SYNPR: variants seen among roughly 807,000 people sequenced by gnomAD.
SYNPR encodes synaptoporin.
A neutral mutation model predicts 32.9 loss-of-function variants in SYNPR; 23 were observed. The ratio of observed to expected loss-of-function variants is 0.70; its 90% CI spans 0.50 to 0.99. SYNPR has a LOEUF of 0.99. Ranked by LOEUF, SYNPR falls within the 50% of genes least tolerant of loss-of-function variation. The pLI is 0.00. For missense variants in SYNPR, 318 were observed against 349.3 expected (o/e 0.91, Z 0.71); for synonymous variants, 146 against 135.9 (o/e 1.07, Z -0.52).
intron 2 of SYNPR, among the ~76,000 whole-genome samples, chr3:63,341,501 T>C (rs2087370509): frequency 6.6e-6 from 1 of 152,228 alleles, no homozygotes; most frequent in Non-Finnish European, 1.5e-5. Flanking sequence ...TTACTCCACA[T>C]TCTCATCAGC....
chr3:63,278,570 G>A lies in SYNPR; in HGVS notation c.18+19G>A. ...GAGTCAGGTGAGACAGAACTGGGCAGGGCGGCTGGCTGGGAGCAGGGGGCG... is the reference window on the plus strand; with the variant it reads ...GAGTCAGGTGAGACAGAACTGGGCAAGGCGGCTGGCTGGGAGCAGGGGGCG... On this transcript the variant is annotated intron_variant, in intron 1 of 5. Transcript: ENST00000478300. 1 of 1,551,056 alleles carries A rather than the reference G, an allele frequency of 6.4e-7. No individual in the cohort carries two copies. Among genetic ancestry groups the A allele is most frequent in the Non-Finnish European group, 8.7e-7 (1 of 1,146,530 alleles).
chr3:63,595,741 AT>A lies in SYNPR; in HGVS notation c.409-13383del, dbSNP rs1559546153. 3.3e-4 allele frequency among the ~76,000 whole-genome samples: 15 copies of A among 46,030 alleles called. 1 individual carries two copies. Among genetic ancestry groups the A allele is most frequent in the African/African-American group, 1.1e-3 (5 of 4,650 alleles). The allele number at this position is 46,030 out of a possible 152,430, so 30.2% of individuals were successfully genotyped here. A position where few individuals can be genotyped will look rare whatever the true frequency, so the allele number is the denominator to read the frequency against. ...TTTATATATATATATATATATATAT[AT>A]ATATATATATATATATATATATATA... is the stretch of plus-strand genomic sequence containing the variant. On this transcript the variant is annotated intron_variant, in intron 4 of 5. Transcript: ENST00000478300.
chr3:63,484,229 T>C (rs183392456), intron 3 of SYNPR, among the ~76,000 whole-genome samples: 137 of 152,278 alleles, frequency 9.0e-4, no homozygotes, highest in Non-Finnish European at 1.4e-3. Flanking sequence ...ATAAACCATT[T>C]GTCACCTTAT....
chr3:63,580,025 G>A (rs1317808857), intron 4 of SYNPR, among the ~76,000 whole-genome samples: 1 of 151,986 alleles, frequency 6.6e-6, no homozygotes, highest in African/African-American at 2.4e-5. Flanking sequence ...TGACCCAATT[G>A]AGCTAGGAGG....
chr3:63,559,626 ATGTTCAGG>A (rs1702650916), intron 4 of SYNPR, among the ~76,000 whole-genome samples: 2 of 152,132 alleles, frequency 1.3e-5, no homozygotes, highest in South Asian at 4.2e-4. Flanking sequence ...GGACTAGAAA[ATGTTCAGG>A]TGTGCAACAC....
At chr3:63,250,594 G>T (rs2086323751) in intron 1 of SYNPR, among the ~76,000 whole-genome samples, 1 of 152,172 alleles carries the variant, frequency 6.6e-6, no homozygotes, top group Non-Finnish European at 1.5e-5. Context: ...GGTGCCATAA[G>T]TGGAATCCAA....
At chr3:63,541,532 A>G (rs1396222890) in intron 3 of SYNPR, among the ~76,000 whole-genome samples, 1 of 152,134 alleles carries the variant, frequency 6.6e-6, no homozygotes, top group Non-Finnish European at 1.5e-5. Flanking sequence ...GAATAGTTAC[A>G]TAGATTTAAG....
At chr3:63,234,892 G>A (rs1258718997) in intron 1 of SYNPR, among the ~76,000 whole-genome samples, 1 of 152,156 alleles carries the variant, frequency 6.6e-6, no homozygotes, top group African/African-American at 2.4e-5. Flanking sequence ...TATTTTAAAT[G>A]ACATTTTTAT....
At chr3:63,299,697 C>G (rs557733005) in intron 2 of SYNPR, among the ~76,000 whole-genome samples, 255 of 152,226 alleles carry the variant, frequency 1.7e-3, no homozygotes, top group Non-Finnish European at 1.7e-3. Flanking sequence ...AAAATGGTAG[C>G]TGTCTCATTG....
At chr3:63,320,727 G>A (rs2087102902) in intron 2 of SYNPR, among the ~76,000 whole-genome samples, 1 of 152,046 alleles carries the variant, frequency 6.6e-6, no homozygotes, top group Admixed American at 6.6e-5. Context: ...GTACATTTCA[G>A]AAACTGTGAT....
At chr3:63,539,502 T>C (rs750915151) in intron 3 of SYNPR, among the ~76,000 whole-genome samples, 5 of 152,118 alleles carry the variant, frequency 3.3e-5, no homozygotes, top group Non-Finnish European at 5.9e-5. Flanking sequence ...CAGCAAGTAG[T>C]TATTGAATGT....
chr3:63,608,036 G>A (rs569165395), intron 4 of SYNPR, among the ~76,000 whole-genome samples: 3 of 152,052 alleles, frequency 2.0e-5, no homozygotes, highest in South Asian at 2.1e-4. Context: ...TTTCCTGGTC[G>A]GCATTTTTAT....
chr3:63,289,853 G>T (rs965584548), intron 2 of SYNPR, among the ~76,000 whole-genome samples: 1 of 151,986 alleles, frequency 6.6e-6, no homozygotes, highest in African/African-American at 2.4e-5. Flanking sequence ...CTTTTCAGCC[G>T]GGCGCGGTGT....
intron 3 of SYNPR, among the ~76,000 whole-genome samples, chr3:63,517,475 C>A (rs553493790): frequency 3.9e-5 from 6 of 152,036 alleles, no homozygotes; most frequent in Non-Finnish European, 7.4e-5. Flanking sequence ...ACGGACACTT[C>A]TAGTATAGAC....
intron 3 of SYNPR, among the ~76,000 whole-genome samples, chr3:63,521,598 T>A (rs1210224875): frequency 6.6e-6 from 1 of 152,142 alleles, no homozygotes; most frequent in Non-Finnish European, 1.5e-5. Flanking sequence ...AGGCTCCTAG[T>A]CACTACGTTG....
intron 1 of SYNPR, among the ~76,000 whole-genome samples, chr3:63,235,971 T>C (rs371951966): frequency 4.3e-4 from 66 of 152,112 alleles, no homozygotes; most frequent in African/African-American, 1.6e-3. Context: ...TTTTCTTATA[T>C]TTTTTTCCAA....
intron 2 of SYNPR, among the ~76,000 whole-genome samples, chr3:63,452,988 G>T (rs1700406910): frequency 6.6e-6 from 1 of 152,112 alleles, no homozygotes; most frequent in South Asian, 2.1e-4. Flanking sequence ...ATATTTCCAT[G>T]TAACAGCTTC....
In SYNPR at chr3:63,422,623, A is replaced by G. The variant is rs143558600; in HGVS notation, c.85-58209A>G. ...TCATAAATTAAATAAAAACATTTTC[A>G]CCCATCAGATTGGCAAAATATTGAA... On this transcript the variant is annotated intron_variant, in intron 2 of 5. Transcript: ENST00000478300. Among the ~76,000 whole-genome samples the G allele has an allele frequency of 4.6e-5, 7 of 152,300 alleles. No individual in the cohort carries two copies. The East Asian group carries it at 1.4e-3, about 29-fold the overall frequency.
upstream of SYNPR, among the ~76,000 whole-genome samples, chr3:63,275,468 G>A (rs963656951): frequency 5.3e-5 from 8 of 152,178 alleles, no homozygotes; most frequent in African/African-American, 1.7e-4. Flanking sequence ...CCTTCACATG[G>A]TGTTTGGAGA....
Sources: allele counts gnomAD v4.1 joint callset (sites outside exome capture counted in the v4.1 genomes callset), GRCh38; gene constraint gnomAD v4.1.1; transcripts MANE v1.5; gene names NCBI Gene and HGNC (gene_info 2026-07-23, HGNC 2026-07-21).